NELL1: variants seen among roughly 807,000 people sequenced by gnomAD.
NELL1 encodes the protein neural EGFL like 1, also known as protein kinase C-binding protein NELL1.
NELL1 carries 76 observed loss-of-function variants against 107.4 expected under a neutral mutation model. That is an observed-to-expected ratio of 0.71 (90% CI 0.59 to 0.86). The LOEUF (loss-of-function observed/expected upper bound fraction) is 0.86. Among genes scored for constraint, NELL1 ranks in the 40% least tolerant of loss-of-function variants. The pLI, the probability that NELL1 is intolerant of heterozygous loss-of-function variation, is 0.00. For missense variants in NELL1, 1,024 were observed against 1,005.5 expected, an observed-to-expected ratio of 1.02 and a Z score of -0.25; for synonymous variants, 353 against 341.2, an observed-to-expected ratio of 1.03 and a Z score of -0.38.
intron 12 of NELL1, among the ~76,000 whole-genome samples, chr11:21,086,445 T>G (rs1230012117): frequency 2.0e-5 from 3 of 152,184 alleles, no homozygotes; most frequent in Non-Finnish European, 4.4e-5. Context: ...GTAGGTAGCA[T>G]TGGTAGAAGT....
chr11:21,088,139 G>T lies in NELL1; in HGVS notation c.1301-25450G>T, dbSNP rs548325556. ...AATAAATTTTGTAGCTTCAATAAAG[G>T]CTATTGTTCTAGATTTTATGTACCT... On this transcript the variant is annotated intron_variant, in intron 12 of 19. Transcript: ENST00000357134. 4.1e-5 allele frequency among the ~76,000 whole-genome samples: 6 copies of T among 147,776 alleles called. No individual in the cohort carries two copies. In the East Asian group the frequency reaches 8.4e-4, roughly 21 times the overall value.
chr11:21,555,077 C>A (rs149651232), intron 16 of NELL1, among the ~76,000 whole-genome samples: 88 of 152,010 alleles, frequency 5.8e-4, no homozygotes, highest in African/African-American at 2.1e-3. Flanking sequence ...AGGGCCATAT[C>A]TGGCTTCTTT....
chr11:21,268,804 G>T (rs1848683646), intron 14 of NELL1, among the ~76,000 whole-genome samples: 1 of 152,108 alleles, frequency 6.6e-6, no homozygotes, highest in East Asian at 1.9e-4. Flanking sequence ...AAAACATAGA[G>T]CAAGTATAAA....
chr11:21,016,632 C>T (rs1017544912), intron 12 of NELL1, among the ~76,000 whole-genome samples: 6 of 152,184 alleles, frequency 3.9e-5, no homozygotes, highest in African/African-American at 1.2e-4. Flanking sequence ...ACCCACCAGC[C>T]GATAAACTCC....
chr11:21,006,075 A>G (rs1442106191), intron 12 of NELL1, among the ~76,000 whole-genome samples: 1 of 152,092 alleles, frequency 6.6e-6, no homozygotes. Context: ...AAAAAAATAT[A>G]TACTTAGCAT....
In NELL1 at chr11:21,322,406, T is replaced by C. The variant is rs575114060; in HGVS notation, c.1550-48447T>C. Among the ~76,000 whole-genome samples, 8 of 152,280 alleles carry C rather than the reference T, an allele frequency of 5.3e-5. No individual in the cohort carries two copies. In the South Asian group the frequency reaches 1.0e-3, roughly 20 times the overall value. On this transcript the variant is annotated intron_variant, in intron 14 of 19. Coordinates refer to ENST00000357134, the MANE Select transcript of NELL1 (RefSeq NM_006157.5). ...GTGTATGCCCTGAGATTGGAGGGCA[T>C]ACACCCATTTGTCCTCTTCAAGATG...
intron 15 of NELL1, among the ~76,000 whole-genome samples, chr11:21,379,895 A>G (rs950228331): frequency 1.3e-5 from 2 of 152,162 alleles, no homozygotes; most frequent in East Asian, 3.9e-4. Context: ...GCATCCATCT[A>G]TTGGTAACTG....
chr11:21,290,941 A>G (rs1245133478), intron 14 of NELL1, among the ~76,000 whole-genome samples: 1 of 152,164 alleles, frequency 6.6e-6, no homozygotes, highest in African/African-American at 2.4e-5. Flanking sequence ...TTCTCCCCCA[A>G]AGCATCACAG....
rs929021079 is a variant in NELL1, at chr11:21,506,326, A to G, written c.1646-28048A>G. Among the ~76,000 whole-genome samples the G allele has an allele frequency of 2.6e-5, 4 of 152,252 alleles. No individual in the cohort carries two copies. The East Asian group carries it at 5.8e-4, about 22-fold the overall frequency. ...CACAATAATATCTCAGACCTACCCA[A>G]CAATTTACAGGCTTACCACTGCCCC... On this transcript the variant is annotated intron_variant, in intron 15 of 19. Coordinates refer to ENST00000357134, the MANE Select transcript of NELL1 (RefSeq NM_006157.5).
intron 15 of NELL1, among the ~76,000 whole-genome samples, chr11:21,392,693 C>G (rs1851905685): frequency 6.6e-6 from 1 of 151,686 alleles, no homozygotes; most frequent in Non-Finnish European, 1.5e-5. Flanking sequence ...AATAATATAA[C>G]TGACCATAAA....
intron 13 of NELL1, among the ~76,000 whole-genome samples, chr11:21,142,770 G>A (rs369497876): frequency 2.6e-4 from 39 of 152,186 alleles, no homozygotes; most frequent in South Asian, 2.3e-3. Context: ...TGTTGCCTCC[G>A]TCTTCTCATC....
intron 15 of NELL1, among the ~76,000 whole-genome samples, chr11:21,484,622 A>G (rs1854580477): frequency 6.6e-6 from 1 of 152,012 alleles, no homozygotes; most frequent in Non-Finnish European, 1.5e-5. Flanking sequence ...ATACATATCC[A>G]TATATACATA....
In NELL1 at chr11:21,318,438, A is replaced by G. The variant is rs187031700; in HGVS notation, c.1550-52415A>G. On this transcript the variant is annotated intron_variant, in intron 14 of 19. Coordinates refer to ENST00000357134, the MANE Select transcript of NELL1 (RefSeq NM_006157.5). Reference sequence around the variant, plus strand: ...GAAAATCATTTCTAGGGGCTTCTCCATCTTTCCAAAGTTGCTACCTTTGTA... The same window carrying G: ...GAAAATCATTTCTAGGGGCTTCTCCGTCTTTCCAAAGTTGCTACCTTTGTA... 9.8e-3 allele frequency among the ~76,000 whole-genome samples: 1,488 copies of G among 152,284 alleles called. 29 individuals carry two copies. The highest frequency in any genetic ancestry group is 0.035 in the African/African-American group (1,436 of 41,566).
In NELL1 at chr11:21,551,516, G is replaced by A. The variant is rs190163188; in HGVS notation, c.1787-8673G>A. Among the ~76,000 whole-genome samples the A allele has an allele frequency of 7.4e-3, 1,128 of 151,724 alleles. 13 individuals carry two copies. The highest frequency in any genetic ancestry group is 0.025 in the African/African-American group (1,056 of 41,438). On this transcript the variant is annotated intron_variant, in intron 16 of 19. Transcript: ENST00000357134. ...CTTCTCAAAAGAAGACATTTATGCA[G>A]CCAAAAAACACATGAAAAAATGCTC... is the stretch of plus-strand genomic sequence containing the variant.
rs768127044 is a variant in NELL1, at chr11:21,573,351, G to A, written c.2324G>A (p.Arg775Gln). 32 of 1,612,266 alleles carry A rather than the reference G, an allele frequency of 2.0e-5. No homozygotes were observed. Among genetic ancestry groups the A allele is most frequent in the South Asian group, 6.6e-5 (6 of 91,064 alleles). ...KTCLDSYGVS[R>Q]LSGSVWTMAG... is the part of the protein sequence containing the mutation. ...TGCCTGGACAGCTATGGTGTTTCAC[G>A]GCTTAGTGGCTCAGTGTGGACGATG... Residue 775 changes from arginine (R) to glutamine (Q), a missense_variant, in exon 19 of 20, where the codon CGG becomes CAG. Physicochemically the swap from Arg to Gln is conservative, Grantham distance 43. Coordinates refer to ENST00000357134, the MANE Select transcript of NELL1 (RefSeq NM_006157.5).
At chr11:21,464,589 A>T (rs1278406302) in intron 15 of NELL1, among the ~76,000 whole-genome samples, 1 of 152,108 alleles carries the variant, frequency 6.6e-6, no homozygotes, top group Non-Finnish European at 1.5e-5. Context: ...TTTTGTATCT[A>T]AAAATGTTCA....
At chr11:21,229,165 T>C (rs756010738) in intron 13 of NELL1, among the ~76,000 whole-genome samples, 167 bp from the exon 14 acceptor site, 5 of 152,200 alleles carry the variant, frequency 3.3e-5, no homozygotes, top group Non-Finnish European at 7.4e-5. Flanking sequence ...TAATAACATC[T>C]TTCTTTCAGA....
At chr11:21,571,511 G>T (rs186590382) in intron 18 of NELL1, among the ~76,000 whole-genome samples, 100 of 151,924 alleles carry the variant, frequency 6.6e-4, no homozygotes, top group African/African-American at 2.3e-3. Context: ...AAGATTACAA[G>T]ATATGTAAGA....
intron 14 of NELL1, among the ~76,000 whole-genome samples, chr11:21,300,906 C>T (rs981820304): frequency 2.6e-5 from 4 of 152,032 alleles, no homozygotes; most frequent in African/African-American, 9.7e-5. Flanking sequence ...TCTCCCCACC[C>T]CACAACAGGC....
Sources: allele counts gnomAD v4.1 joint callset (sites outside exome capture counted in the v4.1 genomes callset), GRCh38; gene constraint gnomAD v4.1.1; transcripts MANE v1.5; gene names NCBI Gene and HGNC (gene_info 2026-07-23, HGNC 2026-07-21).